GRAMD1A: variants seen among roughly 807,000 people sequenced by gnomAD.
GRAMD1A encodes protein Aster-A.
In GRAMD1A, 50 loss-of-function variants were observed where a neutral mutation model predicts 92.0. The ratio of observed to expected loss-of-function variants is 0.54; its 90% CI spans 0.43 to 0.69. The LOEUF is 0.69. GRAMD1A is among the 30% of genes least tolerant of loss of function. The pLI is 0.00. For missense variants in GRAMD1A, 819 were observed against 978.9 expected (o/e 0.84, Z 2.18); for synonymous variants, 405 against 403.6 (o/e 1.00, Z -0.04).
At chr19:35,011,121 G>A (rs1031060444) in intron 6 of GRAMD1A, among the ~76,000 whole-genome samples, 13 of 145,980 alleles carry the variant, frequency 8.9e-5, no homozygotes, top group African/African-American at 3.1e-4. Context: ...AAAAAAAAAA[G>A]GATCAACTGA....
At chr19:35,020,609 T>A in intron 13 of GRAMD1A, among the ~76,000 whole-genome samples, 1 of 144,628 alleles carries the variant, frequency 6.9e-6, no homozygotes, top group East Asian at 2.0e-4. Flanking sequence ...CAGTGAGCCA[T>A]GATCACACCG....
chr19:35,021,962 T>C lies in GRAMD1A; in HGVS notation c.1765T>C (p.Ser589Pro). Residue 589 changes from serine (S) to proline (P), a missense_variant, in exon 16 of 20, where the codon TCC becomes CCC. Physicochemically the swap from Ser to Pro is moderately conservative, Grantham distance 74 (BLOSUM62 -1). Coordinates refer to ENST00000317991, the MANE Select transcript of GRAMD1A (RefSeq NM_020895.5). This position sits in a 1 kb window ranked among gnomAD's most constrained non-coding sequence, Gnocchi z 5.3. Reference sequence around the variant, plus strand: ...CTGCTCTCCTGCAGGCTCCCTCAGCTCCCGCTTCTCCGAACCATCTGTGGA... The same window carrying C: ...CTGCTCTCCTGCAGGCTCCCTCAGCCCCCGCTTCTCCGAACCATCTGTGGA... ...AGIHTSGSLS[S>P]RFSEPSVDQG... 6.2e-7 allele frequency: 1 copy of C among 1,614,030 alleles called. No homozygotes were observed. The highest frequency in any genetic ancestry group is 8.5e-7 in the Non-Finnish European group (1 of 1,179,984).
At chr19:35,006,754 C>T (rs2151706557) in intron 1 of GRAMD1A, among the ~76,000 whole-genome samples, 1 of 152,148 alleles carries the variant, frequency 6.6e-6, no homozygotes, top group East Asian at 1.9e-4. Flanking sequence ...CTCTAGGGAC[C>T]CGGTGGTAAC....
chr19:35,000,589 G>C lies in GRAMD1A; in HGVS notation c.8+103G>C. On this transcript the variant is annotated intron_variant, in intron 1 of 19. Transcript: ENST00000317991. This position sits in a 1 kb window ranked among gnomAD's most constrained non-coding sequence, Gnocchi z 4.9. ...GGGAGGGGGCGGAGCGGCCGCTGCAGAGGTCGGGGGCCTCTGCACATGGCT... is the reference window on the plus strand; with the variant it reads ...GGGAGGGGGCGGAGCGGCCGCTGCACAGGTCGGGGGCCTCTGCACATGGCT... The C allele has an allele frequency of 1.2e-6, 1 of 844,026 alleles. No individual in the cohort carries two copies. Among genetic ancestry groups the C allele is most frequent in the Admixed American group, 4.7e-5 (1 of 21,354 alleles). 52.3% of individuals were successfully genotyped at this position (844,026 alleles called of 1,614,324 possible).
chr19:35,013,257 C>A lies in GRAMD1A; in HGVS notation c.608C>A (p.Thr203Lys). 1 of 1,529,050 alleles carries A rather than the reference C, an allele frequency of 6.5e-7. No individual in the cohort carries two copies. The highest frequency in any genetic ancestry group is 8.9e-7 in the Non-Finnish European group (1 of 1,129,422). 94.7% of individuals were successfully genotyped at this position (1,529,050 alleles called of 1,614,324 possible). ...CAACCCCAGGTCCCGCCTCCCCAGA[C>A]GCTGAGTCCCCGCGAGCTCTGGCAC... ...RLWQNALLEKTLSPRELWHLV... is the reference protein window; with the variant it reads ...RLWQNALLEKKLSPRELWHLV... Residue 203 changes from threonine to lysine, a missense_variant and splice_region_variant, in exon 8 of 20, where the codon ACG becomes AAG. By Grantham distance (78) the Thr-to-Lys change is moderately conservative. Transcript: ENST00000317991. This position sits in a 1 kb window ranked among gnomAD's most constrained non-coding sequence, Gnocchi z 4.9.
chr19:35,011,910 C>G (rs1342614415), intron 7 of GRAMD1A, among the ~76,000 whole-genome samples: 1 of 152,218 alleles, frequency 6.6e-6, no homozygotes, highest in East Asian at 1.9e-4. Context: ...GCCCCATCCT[C>G]CGGCTGAGCG....
At chr19:35,009,814 G>A in intron 3 of GRAMD1A, 74 bp from the exon 4 acceptor site, 1 of 891,842 alleles carries the variant, frequency 1.1e-6, no homozygotes, top group Non-Finnish European at 1.9e-6. Context: ...GACTGAGGGG[G>A]TTCCAGGAGC....
chr19:35,015,936 C>T lies in GRAMD1A; in HGVS notation c.1182C>T (p.Leu394=). The change falls in exon 11 of 20, where the codon CTC becomes CTT. Residue 394 remains leucine, a synonymous_variant. Transcript: ENST00000317991. ...QQMLFSDSPF[L]QGFLQQCKFT... ...TGCTCTTCTCGGACTCGCCCTTCCT[C>T]CAGGGCTTCCTACAGCAGTGCAAGT... 1 of 1,614,004 alleles carries T rather than the reference C, an allele frequency of 6.2e-7. No homozygotes were observed. Among genetic ancestry groups the T allele is most frequent in the Non-Finnish European group, 8.5e-7 (1 of 1,179,914 alleles).
At chr19:34,997,718 C>G (rs1241331948), upstream of GRAMD1A, among the ~76,000 whole-genome samples, 2 of 152,092 alleles carry the variant, frequency 1.3e-5, no homozygotes, top group African/African-American at 4.8e-5. Flanking sequence ...TAAAAAGATA[C>G]TGGATAATAG....
At position 35,021,708 on chromosome 19, in the gene GRAMD1A, G is replaced by T; in HGVS notation, c.1597G>T (p.Ala533Ser). 1 of 1,614,044 alleles carries T rather than the reference G, an allele frequency of 6.2e-7. No homozygotes were observed. Among genetic ancestry groups the T allele is most frequent in the East Asian group, 2.2e-5 (1 of 44,890 alleles). The change falls in exon 15 of 20, where the codon GCT becomes TCT. Residue 533 changes from alanine to serine, a missense_variant. Physicochemically the swap from Ala to Ser is moderately conservative, Grantham distance 99. This residue lies in a region of GRAMD1A where 577 missense variants were observed against 674.6 expected (regional missense o/e 0.86). Coordinates refer to ENST00000317991, the MANE Select transcript of GRAMD1A (RefSeq NM_020895.5). The surrounding 1 kb of genome is among the most constrained non-coding windows in gnomAD (Gnocchi z 5.3). ...TTACGCAGAGCGAGAGCTCGCCAAG[G>T]CTGAGAAGCTGTCTCTGGAGGAAGG... is the stretch of plus-strand genomic sequence containing the variant. ...FHHLERELAKAEKLSLEEGGK... is the reference protein window; with the variant it reads ...FHHLERELAKSEKLSLEEGGK...
At chr19:34,999,294 T>A (rs2014182108), upstream of GRAMD1A, 1 of 152,430 alleles carries the variant, frequency 6.6e-6, no homozygotes, top group South Asian at 2.1e-4. Context: ...CTGCCATTCA[T>A]CAAAATGGAG....
At chr19:35,015,531 ATGCTCCCAGGAGGCG>A (rs1157267587) in intron 10 of GRAMD1A, 7 of 327,274 alleles carry the variant, frequency 2.1e-5, no homozygotes, top group Non-Finnish European at 3.9e-5. Context: ...CCCTAGGTTG[ATGCTCCCAGGAGGCG>A]TGCTATCTGG....
In GRAMD1A at chr19:35,016,079, G is replaced by T. The variant is rs1411521299; in HGVS notation, c.1213+112G>T. On this transcript the variant is annotated intron_variant, in intron 11 of 19. Coordinates refer to ENST00000317991, the MANE Select transcript of GRAMD1A (RefSeq NM_020895.5). ...GCTAGCCAGTGGGGCAAGGCGAGGT[G>T]GTGAAAAGCAATGTCTGTCAGACCA... 2.6e-6 allele frequency: 3 copies of T among 1,172,054 alleles called. No homozygotes were observed. In the East Asian group the frequency reaches 7.3e-5, roughly 29 times the overall value. The allele number at this position is 1,172,054 out of a possible 1,614,324, so 72.6% of individuals were successfully genotyped here. A position where few individuals can be genotyped will look rare whatever the true frequency, so the allele number is the denominator to read the frequency against.
chr19:35,021,479 T>C lies in GRAMD1A; in HGVS notation c.1476-23T>C, dbSNP rs1187082779. On this transcript the variant is annotated intron_variant, in intron 13 of 19. Transcript: ENST00000317991. This position sits in a 1 kb window ranked among gnomAD's most constrained non-coding sequence, Gnocchi z 5.3. Reference sequence around the variant, plus strand: ...GGGCTGGAGTCAGACCCTTACCTCCTTCCCCTGATCTCCCAACCCCAGAGT... The same window carrying C: ...GGGCTGGAGTCAGACCCTTACCTCCCTCCCCTGATCTCCCAACCCCAGAGT... 3.2e-6 allele frequency: 5 copies of C among 1,578,274 alleles called. No homozygotes were observed. Among genetic ancestry groups the C allele is most frequent in the Non-Finnish European group, 4.4e-6 (5 of 1,147,438 alleles).
chr19:35,024,743 C>A (rs2016319376), intron 19 of GRAMD1A, among the ~76,000 whole-genome samples: 1 of 152,072 alleles, frequency 6.6e-6, no homozygotes, highest in African/African-American at 2.4e-5. Context: ...AAGGCTGAGG[C>A]CCCATCACTC....
intron 10 of GRAMD1A, chr19:35,014,851 A>G (rs1227990300): frequency 5.9e-6 from 1 of 168,932 alleles, no homozygotes; most frequent in African/African-American, 2.4e-5. Context: ...GCAAAGCAAG[A>G]CCCCGTTTTG....
In GRAMD1A at chr19:35,019,236, G is replaced by A. The variant is rs754474256; in HGVS notation, c.1259G>A (p.Arg420His). The part of the protein sequence containing the change: ...PWSGDSKCHQ[R>H]RVLTYTIPIS... ...AGTGGGGACAGCAAGTGCCACCAGC[G>A]CCGGGTGCTGACGTACACCATCCCC... is the stretch of plus-strand genomic sequence containing the variant. The change falls in exon 12 of 20, where the codon CGC becomes CAC. Residue 420 changes from arginine (R) to histidine (H), a missense_variant. Coordinates refer to ENST00000317991, the MANE Select transcript of GRAMD1A (RefSeq NM_020895.5). 2.6e-5 allele frequency: 42 copies of A among 1,613,208 alleles called. No individual in the cohort carries two copies. The highest frequency in any genetic ancestry group is 3.3e-5 in the Non-Finnish European group (39 of 1,179,484).
chr19:35,015,910 A>C lies in GRAMD1A; in HGVS notation c.1156A>C (p.Met386Leu). 6.2e-7 allele frequency: 1 copy of C among 1,614,024 alleles called. No individual in the cohort carries two copies. Among genetic ancestry groups the C allele is most frequent in the Non-Finnish European group, 8.5e-7 (1 of 1,179,976 alleles). ...FHVGAERLQQ[M>L]LFSDSPFLQG... Reference sequence around the variant, plus strand: ...TGTGGGCGCTGAGCGGCTCCAGCAGATGCTCTTCTCGGACTCGCCCTTCCT... The same window carrying C: ...TGTGGGCGCTGAGCGGCTCCAGCAGCTGCTCTTCTCGGACTCGCCCTTCCT... Residue 386 changes from methionine to leucine, a missense_variant, in exon 11 of 20, where the codon ATG (methionine) becomes CTG (leucine). By Grantham distance (15) the Met-to-Leu change is conservative. This residue lies in a region of GRAMD1A where 577 missense variants were observed against 674.6 expected (regional missense o/e 0.86). Transcript: ENST00000317991.
chr19:35,000,046 T>G (rs757100815), upstream of GRAMD1A: 144 of 985,500 alleles, frequency 1.5e-4, no homozygotes, highest in Non-Finnish European at 1.3e-4. This position sits in a 1 kb window ranked among gnomAD's most constrained non-coding sequence, Gnocchi z 4.9. Context: ...GGGACCCTTT[T>G]CTAGGTACTA....
Sources: allele counts gnomAD v4.1 joint callset (sites outside exome capture counted in the v4.1 genomes callset), GRCh38; gene constraint gnomAD v4.1.1; regional missense constraint gnomAD v4.1.1; non-coding constraint Gnocchi (gnomAD v3.1); transcripts MANE v1.5; gene names NCBI Gene and HGNC (gene_info 2026-07-23, HGNC 2026-07-21).